The following MAP3K1 variants were observed in gnomAD, a reference collection of about 807,000 sequenced individuals.
MAP3K1 encodes the protein MAP/ERK kinase kinase 1.
In MAP3K1, 36 loss-of-function variants were observed where a neutral mutation model predicts 144.2. That is an observed-to-expected ratio of 0.25 (90% CI 0.19 to 0.33). MAP3K1 has a LOEUF of 0.33. MAP3K1 is among the 10% of genes least tolerant of loss of function. The pLI, the probability that MAP3K1 is intolerant of heterozygous loss-of-function variation, is 1.00. For synonymous variants in MAP3K1, 718 were observed against 688.7 expected (o/e 1.04, Z -0.67); for missense variants, 1,650 against 1,881.9 (o/e 0.88, Z 2.28).
chr5:56,841,615 G>T (rs1561172348), intron 1 of MAP3K1, among the ~76,000 whole-genome samples: 2 of 152,156 alleles, frequency 1.3e-5, no homozygotes, highest in African/African-American at 4.8e-5. Flanking sequence ...CGATTAAAAG[G>T]AATTTGTGGT....
intron 6 of MAP3K1, among the ~76,000 whole-genome samples, chr5:56,866,445 G>A (rs1407806216): frequency 6.6e-6 from 1 of 152,122 alleles, no homozygotes; most frequent in African/African-American, 2.4e-5. Context: ...CTGTATGTAT[G>A]TATGTATGTT....
chr5:56,888,158 A>AT (rs1485525505), intron 18 of MAP3K1, 68 bp from the exon 19 acceptor site: 2 of 1,436,306 alleles, frequency 1.4e-6, no homozygotes, highest in South Asian at 1.1e-5. Context: ...AGTAGAATCT[A>AT]TAACTACAAA....
At chr5:56,820,430 C>G (rs1746118199) in intron 1 of MAP3K1, 1 of 984,474 alleles carries the variant, frequency 1.0e-6, no homozygotes, top group Non-Finnish European at 1.2e-6. Flanking sequence ...TCTAATAGAC[C>G]ATGAGCTAGG....
chr5:56,885,826 C>T (rs1748361638), intron 16 of MAP3K1, 106 bp from the exon 17 acceptor site: 2 of 886,840 alleles, frequency 2.3e-6, no homozygotes, highest in African/African-American at 1.7e-5. Flanking sequence ...TCTTCTGTTT[C>T]AGATGTGAAT....
chr5:56,883,151 A>G (rs1447254233), intron 14 of MAP3K1, among the ~76,000 whole-genome samples: 1 of 152,206 alleles, frequency 6.6e-6, no homozygotes, highest in Non-Finnish European at 1.5e-5. Context: ...TGATTACACC[A>G]TTGTACTCTA....
chr5:56,890,957 G>C (rs1182943555), intron 19 of MAP3K1, among the ~76,000 whole-genome samples: 3 of 151,982 alleles, frequency 2.0e-5, no homozygotes, highest in Admixed American at 2.0e-4. Flanking sequence ...GAGGTGGGAG[G>C]ATCGCTTGAG....
chr5:56,879,259 T>C (rs907020304), intron 11 of MAP3K1, among the ~76,000 whole-genome samples, 158 bp downstream of exon 11: 1 of 152,194 alleles, frequency 6.6e-6, no homozygotes, highest in African/African-American at 2.4e-5. Context: ...AGCATAAAGC[T>C]CTTAAGGACT....
rs745709964 is a variant in MAP3K1 at position 56,884,862 on chromosome 5, G to T, written c.3982+36G>T. 4 of 1,588,248 alleles carry T rather than the reference G, an allele frequency of 2.5e-6. No homozygotes were observed. In the East Asian group the frequency reaches 9.0e-5, roughly 36 times the overall value. ...GTTTTAAATTACAAAATAGTAGTACGTGGATTTAACTTTCTGCAATTTAGG... is the reference window on the plus strand; with the variant it reads ...GTTTTAAATTACAAAATAGTAGTACTTGGATTTAACTTTCTGCAATTTAGG... On this transcript the variant is annotated intron_variant, in intron 16 of 19. Coordinates refer to ENST00000399503, the MANE Select transcript of MAP3K1 (RefSeq NM_005921.2).
chr5:56,881,061 A>G, intron 12 of MAP3K1, 22 bp from the exon 13 acceptor site: 1 of 1,581,140 alleles, frequency 6.3e-7, no homozygotes, highest in Non-Finnish European at 8.7e-7. Flanking sequence ...TTAATCATTT[A>G]TTTTTACTTT....
intron 1 of MAP3K1, among the ~76,000 whole-genome samples, chr5:56,828,786 G>A (rs1217744861): frequency 6.6e-6 from 1 of 152,018 alleles, no homozygotes; most frequent in African/African-American, 2.4e-5. Flanking sequence ...GTATAAAGAA[G>A]GGACATTTTT....
intron 1 of MAP3K1, among the ~76,000 whole-genome samples, chr5:56,840,748 G>A (rs1313883542): frequency 3.3e-5 from 5 of 152,002 alleles, no homozygotes; most frequent in African/African-American, 7.2e-5. Context: ...ACATTGGGAC[G>A]TAAAAACAAC....
In MAP3K1 at chr5:56,856,500, C is replaced by G. The variant is rs1453805607; in HGVS notation, c.483-100C>G. 5 of 1,006,584 alleles carry G rather than the reference C, an allele frequency of 5.0e-6. No homozygotes were observed. In the African/African-American group the frequency reaches 8.1e-5, roughly 16 times the overall value. The allele number at this position is 1,006,584 out of a possible 1,614,324, so 62.4% of individuals were successfully genotyped here. ...AGCAGTTATCTTTTTTATTACATGT[C>G]CGTTGGAAGTATAAAATAGAACCAT... On this transcript the variant is annotated intron_variant, in intron 1 of 19. Transcript: ENST00000399503.
At chr5:56,824,135 G>C (rs985864192) in intron 1 of MAP3K1, among the ~76,000 whole-genome samples, 2 of 152,196 alleles carry the variant, frequency 1.3e-5, no homozygotes. Context: ...TGTTAGGCAA[G>C]TACTCCATGA....
At position 56,882,340 on chromosome 5, in the gene MAP3K1, C is replaced by T. The variant is rs755413206; in HGVS notation, c.3140C>T (p.Thr1047Ile). The T allele has an allele frequency of 1.2e-6, 2 of 1,614,076 alleles. No homozygotes were observed. Among genetic ancestry groups the T allele is most frequent in the South Asian group, 1.1e-5 (1 of 91,094 alleles). Residue 1047 changes from threonine (T) to isoleucine (I), a missense_variant, in exon 14 of 20, where the codon ACT becomes ATT. Thr to Ile is a moderately conservative substitution (Grantham distance 89). This residue lies in a region of MAP3K1 where 841 missense variants were observed against 886.5 expected (regional missense o/e 0.95). Coordinates refer to ENST00000399503, the MANE Select transcript of MAP3K1 (RefSeq NM_005921.2). ...TCAGATAAACTTTCCCCAGTCTTTA[C>T]TCAGTCAAGACCCTTGCCCTCCAGT... ...KDSDKLSPVFTQSRPLPSSNI... is the reference protein window; with the variant it reads ...KDSDKLSPVFIQSRPLPSSNI...
intron 1 of MAP3K1, among the ~76,000 whole-genome samples, chr5:56,826,146 C>T (rs1314813661): frequency 6.6e-6 from 1 of 152,020 alleles, no homozygotes; most frequent in African/African-American, 2.4e-5. Context: ...ATGCTCTTAC[C>T]TCTATCTAGA....
rs770169813 is a variant in MAP3K1 at position 56,844,183 on chromosome 5, GTTTTTTTTTTTTTTT to G, written c.483-12407_483-12393del. ...TAGTATTATAGGATTGTTTTTTTTG[GTTTTTTTTTTTTTTT>G]TTTTTTTTTGAGACAGAGTCTCGCT... On this transcript the variant is annotated intron_variant, in intron 1 of 19. Transcript: ENST00000399503. 1.3e-3 allele frequency among the ~76,000 whole-genome samples: 102 copies of G among 76,116 alleles called. 1 individual carries two copies. Among genetic ancestry groups the G allele is most frequent in the African/African-American group, 5.3e-3 (98 of 18,546 alleles). 49.9% of individuals were successfully genotyped at this position (76,116 alleles called of 152,430 possible). A position where few individuals can be genotyped will look rare whatever the true frequency, so the allele number is the denominator to read the frequency against.
chr5:56,817,361 TTG>T (rs1746010528), intron 1 of MAP3K1, among the ~76,000 whole-genome samples: 1 of 152,338 alleles, frequency 6.6e-6, no homozygotes, highest in East Asian at 1.9e-4. Context: ...GCGTGTCATT[TTG>T]TGAGACGAAT....
chr5:56,860,917 G>A (rs887176803), intron 3 of MAP3K1, among the ~76,000 whole-genome samples: 13 of 152,100 alleles, frequency 8.5e-5, no homozygotes, highest in African/African-American at 3.1e-4. Context: ...AAGTTGAGAT[G>A]TCGAAACAAA....
intron 11 of MAP3K1, among the ~76,000 whole-genome samples, chr5:56,879,873 C>T (rs75342435): frequency 8.5e-5 from 13 of 152,302 alleles, no homozygotes; most frequent in African/African-American, 2.4e-4. Flanking sequence ...CTTCTGTTGC[C>T]TCTTCCATTT....
Sources: gnomAD v4.1 joint callset for allele counts (sites outside exome capture counted in the v4.1 genomes callset) on GRCh38, gnomAD v4.1.1 for gene constraint, gnomAD v4.1.1 regional missense constraint, MANE v1.5 for transcripts, NCBI Gene and HGNC (gene_info 2026-07-23, HGNC 2026-07-21) for gene names.